Variants in SCN3A observed in about 807,000 individuals in gnomAD.
The protein encoded by SCN3A is sodium channel protein type 3 subunit alpha.
In SCN3A, 60 loss-of-function variants were observed where a neutral mutation model predicts 187.6. That is an observed-to-expected ratio of 0.32 (90% CI 0.26 to 0.40). The LOEUF (loss-of-function observed/expected upper bound fraction) is 0.40. Ranked by LOEUF, SCN3A falls within the 10% of genes least tolerant of loss-of-function variation. SCN3A has a pLI of 1.00. For synonymous variants in SCN3A, 788 were observed against 829.2 expected, an observed-to-expected ratio of 0.95 and a Z score of 0.85; for missense variants, 1,601 against 2,428.2, an observed-to-expected ratio of 0.66 and a Z score of 7.16.
chr2:165,164,368 T>C (rs749363757), intron 6 of SCN3A, 24 bp downstream of exon 6: 1 of 1,613,514 alleles, frequency 6.2e-7, no homozygotes, highest in Non-Finnish European at 8.5e-7. Flanking sequence ...CCTTTGCGCT[T>C]ATCAAATTTT....
rs1684896723 is a variant in SCN3A at position 165,087,664 on chromosome 2, G to A, written c.*2486C>T. The A allele has an allele frequency of 6.6e-6, 1 of 151,188 alleles. No homozygotes were observed. The highest frequency in any genetic ancestry group is 2.4e-5 in the African/African-American group (1 of 41,124). 9.4% of individuals were successfully genotyped at this position (151,188 alleles called of 1,614,324 possible). The stretch of plus-strand genomic sequence containing the variant: ...GTTTTGACCTCACATAAATCCAAGG[G>A]TTCTTGAAAAAAAAGTTAATATAAA... On this transcript the variant is annotated 3_prime_UTR_variant, in exon 28 of 28. Transcript: ENST00000283254.
chr2:165,146,583 G>A (rs1197001493), intron 12 of SCN3A, among the ~76,000 whole-genome samples, 156 bp downstream of exon 12: 1 of 151,318 alleles, frequency 6.6e-6, no homozygotes, highest in Non-Finnish European at 1.5e-5. Context: ...TCCCTTTGAA[G>A]ACAATCTATT....
At chr2:165,141,727 C>T (rs1688023920) in intron 12 of SCN3A, among the ~76,000 whole-genome samples, 2 of 152,116 alleles carry the variant, frequency 1.3e-5, no homozygotes, top group Admixed American at 1.3e-4. Context: ...ACAGAGGATT[C>T]CTAAACTGCT....
chr2:165,176,707 T>C (rs1311178915), intron 2 of SCN3A, among the ~76,000 whole-genome samples: 1 of 152,146 alleles, frequency 6.6e-6, no homozygotes. Context: ...ATATATAATA[T>C]ATAAACATTA....
At chr2:165,176,569 T>C in intron 2 of SCN3A, 125 bp from the exon 3 acceptor site, 3 of 676,498 alleles carry the variant, frequency 4.4e-6, no homozygotes, top group Non-Finnish European at 7.6e-6. Context: ...CTTTTAGTAC[T>C]GCACTACACA....
Position 165,131,428 on chromosome 2 carries a change from G to A in SCN3A, c.2392-11C>T. The A allele has an allele frequency of 6.2e-7, 1 of 1,600,428 alleles. No individual in the cohort carries two copies. The highest frequency in any genetic ancestry group is 8.5e-7 in the Non-Finnish European group (1 of 1,171,402). ...AATCCCAGTAAAGACCTAAAAAATA[G>A]AGATCAGCACTACTTCAAGAGCACT... On this transcript the variant is annotated splice_polypyrimidine_tract_variant and intron_variant, in intron 15 of 27. Coordinates refer to ENST00000283254, the MANE Select transcript of SCN3A (RefSeq NM_006922.4).
intron 18 of SCN3A, among the ~76,000 whole-genome samples, chr2:165,126,506 CTTT>C (rs1055614141): frequency 9.7e-6 from 1 of 103,014 alleles, no homozygotes; most frequent in Non-Finnish European, 2.2e-5. Flanking sequence ...TTCTTTCCTT[CTTT>C]TTTTCTCTTT....
Position 165,088,637 on chromosome 2 carries a change from G to T in SCN3A, c.*1513C>A, listed in dbSNP as rs2105609667. ...GAAATTATCCATTGAAAAATCTTAT[G>T]GATTCAAAAGTTTGGAATTGTGATT... On this transcript the variant is annotated 3_prime_UTR_variant, in exon 28 of 28. Coordinates refer to ENST00000283254, the MANE Select transcript of SCN3A (RefSeq NM_006922.4). The T allele has an allele frequency of 6.6e-6, 1 of 152,414 alleles. No homozygotes were observed. Among genetic ancestry groups the T allele is most frequent in the African/African-American group, 2.4e-5 (1 of 41,468 alleles). The allele number at this position is 152,414 out of a possible 1,614,324, so 9.4% of individuals were successfully genotyped here.
At chr2:165,149,311 A>C (rs989916330) in intron 11 of SCN3A, among the ~76,000 whole-genome samples, 1 of 151,860 alleles carries the variant, frequency 6.6e-6, no homozygotes, top group African/African-American at 2.4e-5. Context: ...AGTAGCTAGG[A>C]TTACAGGCGT....
chr2:165,198,381 C>G (rs181431209), intron 1 of SCN3A, among the ~76,000 whole-genome samples: 1 of 151,862 alleles, frequency 6.6e-6, no homozygotes, highest in African/African-American at 2.4e-5. Flanking sequence ...CCTCTCCATG[C>G]GGTTTATTTT....
chr2:165,179,952 A>G (rs541741268), intron 2 of SCN3A, among the ~76,000 whole-genome samples: 104 of 152,208 alleles, frequency 6.8e-4, no homozygotes, highest in Non-Finnish European at 1.3e-3. Flanking sequence ...TGGAATATAT[A>G]TATTATTAAT....
chr2:165,090,998 G>T lies in SCN3A; in HGVS notation c.5155C>A (p.Leu1719Ile), dbSNP rs760723351. ...TCACAGTCGGGTGGTGCACTATTAA[G>T]AATAGGTGCTAGCAATCCATCCCAG... ...AGWDGLLAPI[L>I]NSAPPDCDPD... The change falls in exon 28 of 28, where the codon CTT becomes ATT. Residue 1719 changes from leucine to isoleucine, a missense_variant. Physicochemically the swap from Leu to Ile is conservative, Grantham distance 5 (BLOSUM62 2). Around this residue, in one of 11 missense-constraint regions of SCN3A, gnomAD observed 320 missense variants for 623.2 expected, o/e 0.51. Transcript: ENST00000283254. The surrounding 1 kb of genome is among the most constrained non-coding windows in gnomAD (Gnocchi z 4.0). The T allele has an allele frequency of 1.2e-6, 2 of 1,614,156 alleles. No homozygotes were observed. The highest frequency in any genetic ancestry group is 1.7e-5 in the Admixed American group (1 of 60,010).
At chr2:165,167,399 TG>T (rs1243731343) in intron 5 of SCN3A, among the ~76,000 whole-genome samples, 1 of 152,106 alleles carries the variant, frequency 6.6e-6, no homozygotes, top group Non-Finnish European at 1.5e-5. Flanking sequence ...GTTAAATAAC[TG>T]ACAAATAATG....
intron 1 of SCN3A, among the ~76,000 whole-genome samples, chr2:165,200,652 C>T (rs558778933): frequency 2.6e-5 from 4 of 151,962 alleles, no homozygotes; most frequent in Non-Finnish European, 5.9e-5. Context: ...AATCAAGAGT[C>T]CATTAAGTCA....
At chr2:165,166,014 C>T (rs150687830) in intron 5 of SCN3A, among the ~76,000 whole-genome samples, 126 of 152,260 alleles carry the variant, frequency 8.3e-4, no homozygotes, top group African/African-American at 2.7e-3. Flanking sequence ...ACATAATCAC[C>T]GTGATATTTC....
Position 165,164,314 on chromosome 2 carries a change from A to T in SCN3A, c.602+78T>A. On this transcript the variant is annotated intron_variant, in intron 6 of 27. Coordinates refer to ENST00000283254, the MANE Select transcript of SCN3A (RefSeq NM_006922.4). ...GACTAACAAGAAAGCTCTACATTTA[A>T]TATATGACACAAAGACCTTGTTTGT... is the stretch of plus-strand genomic sequence containing the variant. 5.1e-6 allele frequency: 8 copies of T among 1,577,306 alleles called. 1 individual carries two copies. The Admixed American group carries it at 1.3e-4, about 26-fold the overall frequency.
intron 1 of SCN3A, among the ~76,000 whole-genome samples, chr2:165,189,282 A>G (rs1041345579): frequency 6.6e-6 from 1 of 152,246 alleles, no homozygotes; most frequent in African/African-American, 2.4e-5. Context: ...ACAGATGTGT[A>G]CAAGATGCAA....
intron 10 of SCN3A, 128 bp from the exon 11 acceptor site, chr2:165,154,786 A>G: frequency 1.1e-6 from 1 of 887,584 alleles, no homozygotes; most frequent in Non-Finnish European, 1.8e-6. Context: ...TTCACCAAGA[A>G]TTTTTTGGTA....
intron 11 of SCN3A, among the ~76,000 whole-genome samples, chr2:165,153,602 T>C (rs1688829789): frequency 6.6e-6 from 1 of 151,868 alleles, no homozygotes; most frequent in Non-Finnish European, 1.5e-5. Flanking sequence ...AAAGAAGCTA[T>C]ACAGATGGAA....
Sources: gnomAD v4.1 joint callset for allele counts (sites outside exome capture counted in the v4.1 genomes callset) on GRCh38, gnomAD v4.1.1 for gene constraint, gnomAD v4.1.1 regional missense constraint, Gnocchi (gnomAD v3.1) non-coding constraint, MANE v1.5 for transcripts, NCBI Gene and HGNC (gene_info 2026-07-23, HGNC 2026-07-21) for gene names.